Variants in CREB5 observed in about 807,000 individuals in gnomAD.
The protein encoded by CREB5 is cAMP responsive element binding protein 5, also known as cyclic AMP-responsive element-binding protein 5.
CREB5 carries 19 observed loss-of-function variants against 57.1 expected under a neutral mutation model. The ratio of observed to expected loss-of-function variants is 0.33; its 90% CI spans 0.23 to 0.49. The LOEUF is 0.49. Ranked by LOEUF, CREB5 falls within the 20% of genes least tolerant of loss-of-function variation. The pLI is 0.99. For missense variants in CREB5, 579 were observed against 671.6 expected (o/e 0.86, Z 1.52); for synonymous variants, 238 against 238.3 (o/e 1.00, Z 0.01).
At chr7:28,653,678 C>T (rs537838088) in intron 5 of CREB5, among the ~76,000 whole-genome samples, 2 of 152,324 alleles carry the variant, frequency 1.3e-5, no homozygotes, top group African/African-American at 4.8e-5. Flanking sequence ...CAAAATCTAC[C>T]ACCCAAAGAT....
intron 1 of CREB5, among the ~76,000 whole-genome samples, chr7:28,363,533 CT>C (rs1042048459): frequency 2.0e-5 from 3 of 151,408 alleles, no homozygotes; most frequent in Non-Finnish European, 4.4e-5. Context: ...TTCTAATTAG[CT>C]TTGATCTCAT....
At chr7:28,685,606 G>A (rs1021713191) in intron 5 of CREB5, among the ~76,000 whole-genome samples, 9 of 150,934 alleles carry the variant, frequency 6.0e-5, no homozygotes, top group Admixed American at 5.3e-4. Flanking sequence ...TTCACTCCCT[G>A]CTTCCCCATC....
intron 4 of CREB5, among the ~76,000 whole-genome samples, chr7:28,551,907 TTTTC>T (rs1474974013): frequency 2.0e-5 from 3 of 149,530 alleles, no homozygotes; most frequent in African/African-American, 7.5e-5. Flanking sequence ...TTCTCTTTTC[TTTTC>T]TTTCTCTTTT....
At chr7:28,522,390 G>GTTTTTTTT (rs11291433) in intron 4 of CREB5, among the ~76,000 whole-genome samples, 1 of 97,604 alleles carries the variant, frequency 1.0e-5, no homozygotes, top group Admixed American at 1.2e-4. Context: ...CCTGCTCTTT[G>GTTTTTTTT]TTTTTTTTTT....
chr7:28,708,311 A>C (rs1236660923), intron 5 of CREB5, among the ~76,000 whole-genome samples: 2 of 152,172 alleles, frequency 1.3e-5, no homozygotes, highest in Non-Finnish European at 2.9e-5. Context: ...ACAGCTGCTG[A>C]AAACCACTCC....
chr7:28,548,210 G>A (rs189613848), intron 4 of CREB5, among the ~76,000 whole-genome samples: 2 of 152,224 alleles, frequency 1.3e-5, no homozygotes, highest in African/African-American at 4.8e-5. Flanking sequence ...TTGGTGGGAC[G>A]TTCTGTGCCT....
intron 3 of CREB5, among the ~76,000 whole-genome samples, chr7:28,504,961 T>A (rs971992138): frequency 6.6e-6 from 1 of 152,176 alleles, no homozygotes; most frequent in African/African-American, 2.4e-5. Context: ...GTAAATTGGT[T>A]GGTACAGGAT....
intron 1 of CREB5, among the ~76,000 whole-genome samples, chr7:28,403,789 A>T (rs775665158): frequency 6.6e-6 from 1 of 152,218 alleles, no homozygotes; most frequent in Non-Finnish European, 1.5e-5. Context: ...AGGCAAGGGA[A>T]AAGTGCCACC....
rs1809762117 is a variant in CREB5, at chr7:28,821,380, A to T, written c.*2101A>T. On this transcript the variant is annotated 3_prime_UTR_variant, in exon 11 of 11. Coordinates refer to ENST00000357727, the MANE Select transcript of CREB5 (RefSeq NM_182898.4). ...ATATTTATCAACAATCTTTCCTTGT[A>T]TGCAGTGCTTTCAAAAGATGGTTTT... 6.6e-6 allele frequency: 1 copy of T among 151,908 alleles called. No individual in the cohort carries two copies. The highest frequency in any genetic ancestry group is 1.5e-5 in the Non-Finnish European group (1 of 67,970). The allele number at this position is 151,908 out of a possible 1,614,324, so 9.4% of individuals were successfully genotyped here.
chr7:28,376,265 G>A (rs1786821589), intron 1 of CREB5, among the ~76,000 whole-genome samples: 1 of 145,014 alleles, frequency 6.9e-6, no homozygotes, highest in South Asian at 2.3e-4. Context: ...TTCTTCCAGA[G>A]AAGTACTTTT....
rs1158957205 is a variant in CREB5, at chr7:28,824,654, T to C, written c.*5375T>C. ...CATGTTGTGAAAATGAAAAAGTGAA[T>C]GTCCATTCAAAATATTTTACTATTT... is the stretch of plus-strand genomic sequence containing the variant. On this transcript the variant is annotated 3_prime_UTR_variant, in exon 11 of 11. Transcript: ENST00000357727. 1 of 152,646 alleles carries C rather than the reference T, an allele frequency of 6.6e-6. No homozygotes were observed. The highest frequency in any genetic ancestry group is 1.5e-5 in the Non-Finnish European group (1 of 68,032). The allele number at this position is 152,646 out of a possible 1,614,324, so 9.5% of individuals were successfully genotyped here. A position where few individuals can be genotyped will look rare whatever the true frequency, so the allele number is the denominator to read the frequency against.
At chr7:28,558,063 T>C (rs1303660916) in intron 4 of CREB5, among the ~76,000 whole-genome samples, 38 of 152,188 alleles carry the variant, frequency 2.5e-4, no homozygotes, top group Admixed American at 2.5e-3. Context: ...TTGTGGCCAG[T>C]GTATTATCCC....
chr7:28,755,763 G>GA (rs1554296139), intron 7 of CREB5, among the ~76,000 whole-genome samples: 1 of 152,138 alleles, frequency 6.6e-6, no homozygotes, highest in Non-Finnish European at 1.5e-5. Flanking sequence ...TTGATCCTGA[G>GA]AGCTGCTCGC....
chr7:28,302,562 G>A (rs1212944203), intron 1 of CREB5, among the ~76,000 whole-genome samples: 1 of 152,104 alleles, frequency 6.6e-6, no homozygotes, highest in African/African-American at 2.4e-5. Flanking sequence ...TTTTGTATGT[G>A]GGGAAGCTGA....
intron 5 of CREB5, among the ~76,000 whole-genome samples, chr7:28,582,458 T>C (rs1796155531): frequency 6.6e-6 from 1 of 152,230 alleles, no homozygotes; most frequent in Non-Finnish European, 1.5e-5. Context: ...TCAAAGACCC[T>C]GTTGCATCAA....
rs566690884 is a variant in CREB5, at chr7:28,741,172, C to T, written c.702+16840C>T. 1.1e-4 allele frequency among the ~76,000 whole-genome samples: 17 copies of T among 152,194 alleles called. 2 individuals are homozygous for T. Among genetic ancestry groups the T allele is most frequent in the East Asian group, 3.9e-4 (2 of 5,180 alleles). ...CTTCCATTAAAAACAGGCCTCCGTG[C>T]GCACTCATGGGTGGTGTTCCCAAAG... On this transcript the variant is annotated intron_variant, in intron 7 of 10. Coordinates refer to ENST00000357727, the MANE Select transcript of CREB5 (RefSeq NM_182898.4).
intron 4 of CREB5, among the ~76,000 whole-genome samples, chr7:28,531,547 C>G (rs561553308): frequency 6.6e-6 from 1 of 152,200 alleles, no homozygotes; most frequent in Non-Finnish European, 1.5e-5. Flanking sequence ...TAACTAATTA[C>G]ATCTGTGATG....
chr7:28,648,316 A>G (rs929218606), intron 5 of CREB5, among the ~76,000 whole-genome samples: 3 of 152,194 alleles, frequency 2.0e-5, no homozygotes, highest in Non-Finnish European at 4.4e-5. Context: ...TATAAAGACA[A>G]TGGGATTTAG....
chr7:28,505,646 AG>A (rs1381394420), intron 3 of CREB5, among the ~76,000 whole-genome samples: 1 of 152,204 alleles, frequency 6.6e-6, no homozygotes, highest in Non-Finnish European at 1.5e-5. Context: ...TAGATCAAAA[AG>A]GGATAGTGTC....
Sources: allele counts gnomAD v4.1 joint callset (sites outside exome capture counted in the v4.1 genomes callset), GRCh38; gene constraint gnomAD v4.1.1; transcripts MANE v1.5; gene names NCBI Gene and HGNC (gene_info 2026-07-23, HGNC 2026-07-21).